DIDO1: variants seen among roughly 807,000 people sequenced by gnomAD.
DIDO1 encodes death inducer-obliterator 1, also known as death-inducer obliterator 1.
Under a neutral mutation model 99.4 loss-of-function variants are expected in DIDO1, and 16 were observed. The ratio of observed to expected loss-of-function variants is 0.16; its 90% CI spans 0.11 to 0.24. The LOEUF (loss-of-function observed/expected upper bound fraction) is 0.24. DIDO1 is among the 10% of genes least tolerant of loss of function. The probability of loss-of-function intolerance (pLI) is 1.00; values close to 1 mark genes in which losing one functional copy is unlikely to be tolerated. For synonymous variants in DIDO1, 1,366 were observed against 1,239.1 expected (o/e 1.10, Z -2.15); for missense variants, 2,996 against 3,014.0 (o/e 0.99, Z 0.14).
At chr20:62,931,692 G>C (rs868473524) in intron 1 of DIDO1, among the ~76,000 whole-genome samples, 2 of 152,228 alleles carry the variant, frequency 1.3e-5, no homozygotes, top group African/African-American at 4.8e-5. Flanking sequence ...ACAGCCATCA[G>C]TTCACACTGC....
intron 1 of DIDO1, among the ~76,000 whole-genome samples, chr20:62,932,333 AC>A (rs2065340013): frequency 6.6e-6 from 1 of 152,226 alleles, no homozygotes. Context: ...TTCTACTTCT[AC>A]CTGCCCATCA....
Position 62,881,294 on chromosome 20 carries a change from C to T in DIDO1, c.4662G>A (p.Ala1554=), listed in dbSNP as rs1430761955. The change falls in exon 16 of 16, where the codon GCG becomes GCA. Residue 1554 remains alanine (A), a synonymous_variant. Coordinates refer to ENST00000395343, the MANE Select transcript of DIDO1 (RefSeq NM_001193369.2). This position sits in a 1 kb window ranked among gnomAD's most constrained non-coding sequence, Gnocchi z 8.3. ...CCTGCCGGGGGTCCCTGTGGTTTGACGCCTGGCTGGCGGGGGGCAGTGAGG... is the reference window on the plus strand; with the variant it reads ...CCTGCCGGGGGTCCCTGTGGTTTGATGCCTGGCTGGCGGGGGGCAGTGAGG... ...KPASLPPASQ[A]SNHRDPRQAR... 4 of 1,604,972 alleles carry T rather than the reference C, an allele frequency of 2.5e-6. No individual in the cohort carries two copies. The highest frequency in any genetic ancestry group is 3.4e-6 in the Non-Finnish European group (4 of 1,179,762).
intron 15 of DIDO1, chr20:62,890,384 A>G (rs2064373188): frequency 1.0e-6 from 1 of 986,966 alleles, no homozygotes; most frequent in Non-Finnish European, 1.2e-6. Context: ...GGCTATTTGT[A>G]AATAATCGTT....
At chr20:62,890,111 G>A (rs1390675666) in intron 15 of DIDO1, 1 of 985,622 alleles carries the variant, frequency 1.0e-6, no homozygotes, top group Non-Finnish European at 1.2e-6. Context: ...CAGGGACAGA[G>A]GGCACTGAGG....
Position 62,895,412 on chromosome 20 carries a change from A to G in DIDO1, c.2215-247T>C, listed in dbSNP as rs1290116478. Among the ~76,000 whole-genome samples, 5 of 152,302 alleles carry G rather than the reference A, an allele frequency of 3.3e-5. No homozygotes were observed. The East Asian group carries it at 9.7e-4, about 29-fold the overall frequency. Reference sequence around the variant, plus strand: ...AATGGGAGCCCAGAGAGCACAGGTAATAAGGTTCAACAGTGGGTTTCACGG... The same window carrying G: ...AATGGGAGCCCAGAGAGCACAGGTAGTAAGGTTCAACAGTGGGTTTCACGG... On this transcript the variant is annotated intron_variant, in intron 8 of 15. Transcript: ENST00000395343.
In DIDO1 at chr20:62,880,022, G is replaced by T; in HGVS notation, c.5934C>A (p.Phe1978Leu). 6.2e-7 allele frequency: 1 copy of T among 1,611,572 alleles called. No homozygotes were observed. The highest frequency in any genetic ancestry group is 1.3e-5 in the African/African-American group (1 of 75,072). ...GGGGTGCAGGCGCCCTTTGGTTTGT[G>T]AATCTTGGTGGTGAATGGACCCTCT... ...EDQRVHSPPRFTNQRAPAPLQ... is the reference protein window; with the variant it reads ...EDQRVHSPPRLTNQRAPAPLQ... The change falls in exon 16 of 16, where the codon TTC (phenylalanine) becomes TTA (leucine). Residue 1978 changes from phenylalanine to leucine, a missense_variant. Phe to Leu is a conservative substitution (Grantham distance 22). Transcript: ENST00000395343.
intron 15 of DIDO1, among the ~76,000 whole-genome samples, chr20:62,882,786 T>C (rs558687853): frequency 1.3e-5 from 2 of 152,248 alleles, no homozygotes; most frequent in East Asian, 3.9e-4. Context: ...AGAGCAGTAG[T>C]GTGGAGGGGA....
rs777959875 is a variant in DIDO1 at position 62,880,238 on chromosome 20, G to T, written c.5718C>A (p.Gly1906=). The T allele has an allele frequency of 1.2e-6, 2 of 1,612,296 alleles. 1 individual carries two copies. The highest frequency in any genetic ancestry group is 2.2e-5 in the South Asian group (2 of 91,078). ...GACCTCCAAACTGAGAGGGAGGGGG[G>T]CCGCCTCGGGGGCCTTTCAGCTGAG... ...LLSQLKGPRG[G]PPPSQFGGQR... The change falls in exon 16 of 16, where the codon GGC becomes GGA. Residue 1906 remains glycine, a synonymous_variant. Transcript: ENST00000395343.
intron 6 of DIDO1, 149 bp from the exon 7 acceptor site, chr20:62,897,145 T>A: frequency 1.3e-6 from 1 of 753,270 alleles, no homozygotes. Flanking sequence ...TTGTAAAATG[T>A]TAGTGTTCAG....
intron 15 of DIDO1, among the ~76,000 whole-genome samples, chr20:62,885,688 T>C (rs2064285776): frequency 6.6e-6 from 1 of 152,246 alleles, no homozygotes; most frequent in Non-Finnish European, 1.5e-5. Flanking sequence ...TAAATTGGGC[T>C]GTCCAAAAAG....
At chr20:62,937,572 G>C (rs768704228) in intron 1 of DIDO1, among the ~76,000 whole-genome samples, 7 of 152,206 alleles carry the variant, frequency 4.6e-5, no homozygotes, top group Non-Finnish European at 8.8e-5. Flanking sequence ...ACAACATCTC[G>C]AGTAAAGCGG....
chr20:62,904,779 TCAAAAAAAA>T (rs1568859918), intron 6 of DIDO1, among the ~76,000 whole-genome samples: 1 of 24,036 alleles, frequency 4.2e-5, no homozygotes, highest in Admixed American at 5.3e-4. Context: ...GACTCTTGTC[TCAAAAAAAA>T]AAAAAAAAAA....
chr20:62,936,257 T>A (rs1021743878), intron 1 of DIDO1, among the ~76,000 whole-genome samples: 2 of 151,534 alleles, frequency 1.3e-5, no homozygotes, highest in African/African-American at 4.9e-5. Flanking sequence ...TAAAAAACTT[T>A]AAAAAATAAA....
In DIDO1 at chr20:62,911,734, A is replaced by G; in HGVS notation, c.-2-120T>C. On this transcript the variant is annotated intron_variant, in intron 2 of 15. Transcript: ENST00000395343. This position sits in a 1 kb window ranked among gnomAD's most constrained non-coding sequence, Gnocchi z 7.0. ...AAACAGTGGAGCTCTACATAAAGCAAGTCCTTCTGACCAGTGTTTCCTAAT... is the reference window on the plus strand; with the variant it reads ...AAACAGTGGAGCTCTACATAAAGCAGGTCCTTCTGACCAGTGTTTCCTAAT... 1.2e-6 allele frequency: 1 copy of G among 818,100 alleles called. No homozygotes were observed. The highest frequency in any genetic ancestry group is 1.8e-6 in the Non-Finnish European group (1 of 542,604). 50.7% of individuals were successfully genotyped at this position (818,100 alleles called of 1,614,324 possible).
Position 62,882,395 on chromosome 20 carries a change from C to A in DIDO1, c.3561G>T (p.Pro1187=), listed in dbSNP as rs760224789. 6.2e-7 allele frequency: 1 copy of A among 1,611,376 alleles called. No homozygotes were observed. The highest frequency in any genetic ancestry group is 1.1e-5 in the South Asian group (1 of 90,718). The change falls in exon 16 of 16, where the codon CCG becomes CCT. Residue 1187 remains proline (P), a synonymous_variant. Coordinates refer to ENST00000395343, the MANE Select transcript of DIDO1 (RefSeq NM_001193369.2). ...FEGPGLESPR[P]NIILGLVICQ... ...AGATTACTAACCCAAGAATTATATT[C>A]GGACGTGGTGACTCAAGACCTGAAA... is the stretch of plus-strand genomic sequence containing the variant.
Position 62,882,297 on chromosome 20 carries a change from G to T in DIDO1, c.3659C>A (p.Pro1220Gln), listed in dbSNP as rs6011441. ...KMDEKRTRLQ[P>Q]EEADVPAYPK... ...ATAGGCCGGAACGTCCGCTTCTTCCGGTTGAAGTCGGGTCCGCTTTTCGTC... is the reference window on the plus strand; with the variant it reads ...ATAGGCCGGAACGTCCGCTTCTTCCTGTTGAAGTCGGGTCCGCTTTTCGTC... The change falls in exon 16 of 16, where the codon CCG (proline) becomes CAG (glutamine). Residue 1220 changes from proline (P) to glutamine (Q), a missense_variant. By Grantham distance (76) the Pro-to-Gln change is moderately conservative. This residue lies in a region of DIDO1 where 1,562 missense variants were observed against 1,412.6 expected (regional missense o/e 1.11). Coordinates refer to ENST00000395343, the MANE Select transcript of DIDO1 (RefSeq NM_001193369.2). 0.11 allele frequency: 176,747 copies of T among 1,613,804 alleles called. 16,229 individuals are homozygous for T. Among genetic ancestry groups the T allele is most frequent in the African/African-American group, 0.49 (37,045 of 74,936 alleles).
Position 62,894,173 on chromosome 20 carries a change from T to G in DIDO1, c.2594A>C (p.Asp865Ala), listed in dbSNP as rs773259241. Residue 865 changes from aspartate (D) to alanine (A), a missense_variant, in exon 12 of 16, where the codon GAT (aspartate) becomes GCT (alanine). Asp to Ala is a moderately radical substitution (Grantham distance 126). Coordinates refer to ENST00000395343, the MANE Select transcript of DIDO1 (RefSeq NM_001193369.2). The surrounding 1 kb of genome is among the most constrained non-coding windows in gnomAD (Gnocchi z 4.4). ...ICTGQVPSAE[D>A]EPAPKKQKLS... ...TTTTTGTTTTTTCGGAGCTGGCTCATCTTCTGCGGAGGGAACCTGGCCTGA... is the reference window on the plus strand; with the variant it reads ...TTTTTGTTTTTTCGGAGCTGGCTCAGCTTCTGCGGAGGGAACCTGGCCTGA... 1 of 1,613,642 alleles carries G rather than the reference T, an allele frequency of 6.2e-7. No individual in the cohort carries two copies.
In DIDO1 at chr20:62,880,263, G is replaced by A. The variant is rs1300014299; in HGVS notation, c.5693C>T (p.Ser1898Phe). The change falls in exon 16 of 16, where the codon TCT becomes TTT. Residue 1898 changes from serine to phenylalanine, a missense_variant. By Grantham distance (155) the Ser-to-Phe change is radical. Coordinates refer to ENST00000395343, the MANE Select transcript of DIDO1 (RefSeq NM_001193369.2). The part of the protein sequence containing the change: ...QFGGQRRPLL[S>F]QLKGPRGGPP... ...GCCGCCTCGGGGGCCTTTCAGCTGAGACAGCAGTGGCCTTCTCTGGCCTCC... is the reference window on the plus strand; with the variant it reads ...GCCGCCTCGGGGGCCTTTCAGCTGAAACAGCAGTGGCCTTCTCTGGCCTCC... 2 of 1,612,590 alleles carry A rather than the reference G, an allele frequency of 1.2e-6. No individual in the cohort carries two copies. The highest frequency in any genetic ancestry group is 1.7e-6 in the Non-Finnish European group (2 of 1,179,956).
At chr20:62,937,416 G>C (rs1197206883) in intron 1 of DIDO1, among the ~76,000 whole-genome samples, 2 of 152,080 alleles carry the variant, frequency 1.3e-5, no homozygotes, top group Non-Finnish European at 2.9e-5. Context: ...CCGCGCCGCC[G>C]CCGGGACTCC....
Sources: gnomAD v4.1 joint callset for allele counts (sites outside exome capture counted in the v4.1 genomes callset) on GRCh38, gnomAD v4.1.1 for gene constraint, gnomAD v4.1.1 regional missense constraint, Gnocchi (gnomAD v3.1) non-coding constraint, MANE v1.5 for transcripts, NCBI Gene and HGNC (gene_info 2026-07-23, HGNC 2026-07-21) for gene names.